Variants in MORC1 observed in about 807,000 individuals in gnomAD.
The protein encoded by MORC1 is MORC family CW-type zinc finger 1.
Under a neutral mutation model 134.9 loss-of-function variants are expected in MORC1, and 59 were observed. That is an observed-to-expected ratio of 0.44 (90% CI 0.35 to 0.54). The LOEUF is 0.54. Among genes scored for constraint, MORC1 ranks in the 20% least tolerant of loss-of-function variants. The pLI, the probability that MORC1 is intolerant of heterozygous loss-of-function variation, is 0.00. For synonymous variants in MORC1, 395 were observed against 391.7 expected (o/e 1.01, Z -0.10); for missense variants, 947 against 1,134.5 (o/e 0.83, Z 2.37).
At chr3:109,033,342 A>AAGGG (rs973530455) in intron 15 of MORC1, among the ~76,000 whole-genome samples, 11 of 142,496 alleles carry the variant, frequency 7.7e-5, no homozygotes, top group African/African-American at 2.8e-4. Flanking sequence ...GGAAGGAAGG[A>AAGGG]AGGGAAGTTA....
intron 8 of MORC1, among the ~76,000 whole-genome samples, chr3:109,090,361 T>C (rs1950692411): frequency 6.6e-6 from 1 of 152,084 alleles, no homozygotes; most frequent in African/African-American, 2.4e-5. Flanking sequence ...CTCACACCTG[T>C]AATCCCAGCA....
chr3:108,976,208 A>G (rs1278190953), intron 24 of MORC1, among the ~76,000 whole-genome samples: 3 of 152,178 alleles, frequency 2.0e-5, no homozygotes, highest in Admixed American at 1.3e-4. Flanking sequence ...AGATGGCCAG[A>G]CACTACCTTG....
intron 8 of MORC1, among the ~76,000 whole-genome samples, chr3:109,092,423 G>A (rs1950749019): frequency 6.6e-6 from 1 of 152,146 alleles, no homozygotes; most frequent in African/African-American, 2.4e-5. Context: ...GAAGTTCTCT[G>A]TAACCTGACA....
At chr3:109,031,099 G>C (rs1949231472) in intron 16 of MORC1, among the ~76,000 whole-genome samples, 1 of 152,120 alleles carries the variant, frequency 6.6e-6, no homozygotes, top group Non-Finnish European at 1.5e-5. Context: ...GCCAATGCAG[G>C]GACAACAGTA....
intron 17 of MORC1, among the ~76,000 whole-genome samples, chr3:109,025,430 A>C (rs1260119370): frequency 5.9e-5 from 7 of 117,734 alleles, no homozygotes; most frequent in Non-Finnish European, 1.1e-4. Flanking sequence ...TCTTTCCCCC[A>C]GGCTGGAATG....
intron 6 of MORC1, among the ~76,000 whole-genome samples, chr3:109,097,896 T>C (rs1033323516): frequency 3.3e-5 from 5 of 152,110 alleles, no homozygotes; most frequent in African/African-American, 1.2e-4. Flanking sequence ...AAAGCTATGT[T>C]GAGGGCGGGG....
chr3:109,082,423 C>T (rs1354269794), intron 8 of MORC1, among the ~76,000 whole-genome samples: 1 of 152,086 alleles, frequency 6.6e-6, no homozygotes, highest in East Asian at 1.9e-4. Context: ...GAAGCAGGAC[C>T]TGCCCAAACA....
chr3:109,004,810 T>C lies in MORC1; in HGVS notation c.2085+7A>G. Reference sequence around the variant, plus strand: ...CCTTAAATACAAATTTAAAAGCCTTTTCCCACCTGGGCATTCTTCAGGCAC... The same window carrying C: ...CCTTAAATACAAATTTAAAAGCCTTCTCCCACCTGGGCATTCTTCAGGCAC... On this transcript the variant is annotated splice_region_variant and intron_variant, in intron 20 of 27. Coordinates refer to ENST00000232603, the MANE Select transcript of MORC1 (RefSeq NM_014429.4). 3 of 1,612,300 alleles carry C rather than the reference T, an allele frequency of 1.9e-6. No homozygotes were observed. Among genetic ancestry groups the C allele is most frequent in the Non-Finnish European group, 2.5e-6 (3 of 1,179,138 alleles).
Position 109,100,370 on chromosome 3 carries a change from G to T in MORC1, c.314+47C>A, listed in dbSNP as rs760022361. On this transcript the variant is annotated intron_variant, in intron 5 of 27. Transcript: ENST00000232603. ...CTGTGTAAATTGCTTTATAAACAGT[G>T]TTCCCAGTATCAATAATATATGTCT... 7 of 1,359,214 alleles carry T rather than the reference G, an allele frequency of 5.2e-6. No homozygotes were observed. In the South Asian group the frequency reaches 8.2e-5, roughly 16 times the overall value. The allele number at this position is 1,359,214 out of a possible 1,614,324, so 84.2% of individuals were successfully genotyped here. A position where few individuals can be genotyped will look rare whatever the true frequency, so the allele number is the denominator to read the frequency against.
At chr3:109,008,857 C>T (rs974801958) in intron 17 of MORC1, among the ~76,000 whole-genome samples, 1 of 152,072 alleles carries the variant, frequency 6.6e-6, no homozygotes, top group Non-Finnish European at 1.5e-5. Context: ...TCAGTGTTTA[C>T]CTTAGTACTA....
At chr3:109,040,399 A>G (rs1432897034) in intron 14 of MORC1, among the ~76,000 whole-genome samples, 139 of 37,410 alleles carry the variant, frequency 3.7e-3, no homozygotes, top group Middle Eastern at 0.013. Context: ...AGAAAGAAAG[A>G]AAGAGAAGGA....
chr3:109,055,822 T>C (rs557177660), intron 13 of MORC1, among the ~76,000 whole-genome samples: 35 of 152,238 alleles, frequency 2.3e-4, no homozygotes, highest in Admixed American at 5.9e-4. Flanking sequence ...ATATACAAGA[T>C]CATTTCAGAT....
At chr3:109,034,256 C>T (rs2107613446) in intron 15 of MORC1, among the ~76,000 whole-genome samples, 1 of 152,284 alleles carries the variant, frequency 6.6e-6, no homozygotes, top group South Asian at 2.1e-4. Flanking sequence ...AGGCAAAAGG[C>T]TGCGGAGGTG....
intron 17 of MORC1, among the ~76,000 whole-genome samples, chr3:109,011,589 T>G (rs947094315): frequency 5.3e-5 from 8 of 151,970 alleles, no homozygotes; most frequent in African/African-American, 1.9e-4. Context: ...TGGCACAATC[T>G]GAGCTCACCG....
At chr3:108,969,539 A>T in intron 26 of MORC1, 130 bp downstream of exon 26, 1 of 843,812 alleles carries the variant, frequency 1.2e-6, no homozygotes, top group Non-Finnish European at 1.9e-6. Context: ...GCTATACATT[A>T]ATCTAAGTCT....
chr3:109,070,996 T>C (rs2107710326), intron 8 of MORC1, among the ~76,000 whole-genome samples: 1 of 152,326 alleles, frequency 6.6e-6, no homozygotes, highest in Non-Finnish European at 1.5e-5. Context: ...AGTGTATTTT[T>C]TAATGTAACA....
intron 15 of MORC1, among the ~76,000 whole-genome samples, chr3:109,034,422 T>C (rs570924657): frequency 3.3e-5 from 5 of 152,194 alleles, no homozygotes; most frequent in Non-Finnish European, 7.3e-5. Flanking sequence ...AGAAAACATA[T>C]CAGTAAGTGC....
intron 17 of MORC1, among the ~76,000 whole-genome samples, chr3:109,017,567 T>A (rs977254381): frequency 6.6e-6 from 1 of 152,248 alleles, no homozygotes; most frequent in Non-Finnish European, 1.5e-5. Flanking sequence ...ATTTTCAGCA[T>A]CAGTTTTGGG....
intron 14 of MORC1, among the ~76,000 whole-genome samples, chr3:109,048,882 C>CT (rs1949755401): frequency 6.6e-6 from 1 of 152,100 alleles, no homozygotes; most frequent in Non-Finnish European, 1.5e-5. Flanking sequence ...CCAAATACAG[C>CT]CCGAGCTACT....
Sources: gnomAD v4.1 joint callset for allele counts (sites outside exome capture counted in the v4.1 genomes callset) on GRCh38, gnomAD v4.1.1 for gene constraint, MANE v1.5 for transcripts, NCBI Gene and HGNC (gene_info 2026-07-23, HGNC 2026-07-21) for gene names.